PIEZO2: variants seen among roughly 807,000 people sequenced by gnomAD.
PIEZO2 encodes piezo type mechanosensitive ion channel component 2, also known as piezo-type mechanosensitive ion channel component 2.
Under a neutral mutation model 337.3 loss-of-function variants are expected in PIEZO2, and 172 were observed. The observed-to-expected ratio is 0.51, with a 90% confidence interval of 0.45 to 0.58. PIEZO2 has a LOEUF of 0.58. Among genes scored for constraint, PIEZO2 ranks in the 20% least tolerant of loss-of-function variants. The pLI is 0.00. For synonymous variants in PIEZO2, 1,251 were observed against 1,228.5 expected (o/e 1.02, Z -0.38); for missense variants, 3,028 against 3,391.3 (o/e 0.89, Z 2.66).
At chr18:10,687,915 T>A (rs2034622838) in intron 49 of PIEZO2, among the ~76,000 whole-genome samples, 1 of 152,222 alleles carries the variant, frequency 6.6e-6, no homozygotes. Flanking sequence ...GACTATCCAG[T>A]GGAGCCCAGC....
At chr18:10,810,163 G>A (rs1370913388) in intron 7 of PIEZO2, among the ~76,000 whole-genome samples, 1 of 152,102 alleles carries the variant, frequency 6.6e-6, no homozygotes, top group African/African-American at 2.4e-5. Flanking sequence ...TGGGTGGGGT[G>A]AGGACGCAAG....
rs2034705496 is a variant in PIEZO2, at chr18:10,982,463, A to G, written c.161-2803T>C. ...GTGACTCAATATGATAAAAATGTCAATTTCCCCAAAATTTAGTCTAAAAAT... is the reference window on the plus strand; with the variant it reads ...GTGACTCAATATGATAAAAATGTCAGTTTCCCCAAAATTTAGTCTAAAAAT... On this transcript the variant is annotated intron_variant, in intron 2 of 55. Coordinates refer to ENST00000674853, the MANE Select transcript of PIEZO2 (RefSeq NM_001378183.1). The surrounding 1 kb of genome is among the most constrained non-coding windows in gnomAD (Gnocchi z 4.1). Among the ~76,000 whole-genome samples, 2 of 152,332 alleles carry G rather than the reference A, an allele frequency of 1.3e-5. No homozygotes were observed. The highest frequency in any genetic ancestry group is 4.1e-4 in the South Asian group (2 of 4,830).
rs1487857389 is a variant in PIEZO2 at position 10,795,256 on chromosome 18, G to T, written c.1528-254C>A. Among the ~76,000 whole-genome samples the T allele has an allele frequency of 6.6e-6, 1 of 151,900 alleles. No individual in the cohort carries two copies. The highest frequency in any genetic ancestry group is 2.4e-5 in the African/African-American group (1 of 41,348). ...CGGACAAGGGCACATTTTTAATGAAGGATTGTGTTGTTTTTACAATAGACT... is the reference window on the plus strand; with the variant it reads ...CGGACAAGGGCACATTTTTAATGAATGATTGTGTTGTTTTTACAATAGACT... On this transcript the variant is annotated intron_variant, in intron 12 of 55. Transcript: ENST00000674853. This position sits in a 1 kb window ranked among gnomAD's most constrained non-coding sequence, Gnocchi z 4.4.
chr18:10,681,825 A>T (rs1210809567), intron 50 of PIEZO2, 72 bp from the exon 51 acceptor site: 3 of 1,292,206 alleles, frequency 2.3e-6, no homozygotes, highest in African/African-American at 1.5e-5. Flanking sequence ...AAAGAAAAAC[A>T]TTTATGTAGG....
chr18:10,730,807 A>G (rs2036735176), intron 36 of PIEZO2, among the ~76,000 whole-genome samples: 1 of 152,066 alleles, frequency 6.6e-6, no homozygotes, highest in African/African-American at 2.4e-5. Context: ...GCTCACTGCA[A>G]GCTCCGCCTC....
At chr18:11,095,381 G>C (rs531446893) in intron 1 of PIEZO2, among the ~76,000 whole-genome samples, 1 of 152,094 alleles carries the variant, frequency 6.6e-6, no homozygotes, top group African/African-American at 2.4e-5. Flanking sequence ...TTGGAATCAC[G>C]GTGTGCGTAA....
Position 10,789,373 on chromosome 18 carries a change from T to C in PIEZO2, c.1883-8A>G. 2 of 1,532,126 alleles carry C rather than the reference T, an allele frequency of 1.3e-6. No homozygotes were observed. Among genetic ancestry groups the C allele is most frequent in the Admixed American group, 2.0e-5 (1 of 50,538 alleles). 94.9% of individuals were successfully genotyped at this position (1,532,126 alleles called of 1,614,324 possible). Reference sequence around the variant, plus strand: ...TATCTTGAAGTTCCTCATCTTCAAATAGAAAACTGTGCTGTTATACTTAGC... The same window carrying C: ...TATCTTGAAGTTCCTCATCTTCAAACAGAAAACTGTGCTGTTATACTTAGC... On this transcript the variant is annotated splice_region_variant and splice_polypyrimidine_tract_variant and intron_variant, in intron 14 of 55. Transcript: ENST00000674853.
intron 2 of PIEZO2, among the ~76,000 whole-genome samples, chr18:11,025,099 A>T (rs533749524): frequency 6.6e-6 from 1 of 152,260 alleles, no homozygotes; most frequent in South Asian, 2.1e-4. Flanking sequence ...TTAGGAATGT[A>T]GGCTCTCAAG....
rs1455320412 is a variant in PIEZO2, at chr18:11,078,509, A to G, written c.65-12287T>C. The stretch of plus-strand genomic sequence containing the variant: ...TAAAATTACTGTTTTATCTTGATGA[A>G]TTTACTTTGACATTGTCTGCTTCTT... On this transcript the variant is annotated intron_variant, in intron 1 of 55. Transcript: ENST00000674853. The surrounding 1 kb of genome is among the most constrained non-coding windows in gnomAD (Gnocchi z 5.3). Among the ~76,000 whole-genome samples the G allele has an allele frequency of 1.3e-5, 2 of 152,208 alleles. No homozygotes were observed. The highest frequency in any genetic ancestry group is 1.3e-4 in the Admixed American group (2 of 15,270).
At chr18:10,679,516 A>C (rs1277413090) in intron 52 of PIEZO2, among the ~76,000 whole-genome samples, 2 of 125,574 alleles carry the variant, frequency 1.6e-5, no homozygotes, top group East Asian at 4.6e-4. Context: ...GCATTGAAAC[A>C]ATTTTAGATT....
intron 3 of PIEZO2, among the ~76,000 whole-genome samples, chr18:10,946,621 G>A (rs376782696): frequency 2.6e-5 from 4 of 152,314 alleles, no homozygotes; most frequent in Admixed American, 1.3e-4. Context: ...TCACCCATCT[G>A]CAATGAGGCA....
Position 10,672,674 on chromosome 18 carries a change from T to C in PIEZO2, c.8345+16A>G, listed in dbSNP as rs1053102365. 6.2e-7 allele frequency: 1 copy of C among 1,606,584 alleles called. No homozygotes were observed. The highest frequency in any genetic ancestry group is 1.7e-5 in the Admixed American group (1 of 57,482). On this transcript the variant is annotated intron_variant, in intron 55 of 55. Transcript: ENST00000674853. The surrounding 1 kb of genome is among the most constrained non-coding windows in gnomAD (Gnocchi z 4.7). ...AGTAGACTCTTGTAACTGTGAATTG[T>C]TCAATGAGTCCTTACCCATAGCCAG...
rs1442119413 is a variant in PIEZO2 at position 10,824,964 on chromosome 18, A to G, written c.918-17690T>C. Among the ~76,000 whole-genome samples, 1 of 152,102 alleles carries G rather than the reference A, an allele frequency of 6.6e-6. No homozygotes were observed. Among genetic ancestry groups the G allele is most frequent in the Non-Finnish European group, 1.5e-5 (1 of 68,020 alleles). ...CTGCAACCTCCACTTCCTGGGTCCA[A>G]GTGATTCTCCTGCCTCAGCCTCCCG... On this transcript the variant is annotated intron_variant, in intron 7 of 55. Coordinates refer to ENST00000674853, the MANE Select transcript of PIEZO2 (RefSeq NM_001378183.1). The surrounding 1 kb of genome is among the most constrained non-coding windows in gnomAD (Gnocchi z 4.4).
At chr18:10,731,643 C>A in intron 35 of PIEZO2, 122 bp from the exon 36 acceptor site, 1 of 511,044 alleles carries the variant, frequency 2.0e-6, no homozygotes, top group South Asian at 4.7e-5. Flanking sequence ...ACATCCCGGG[C>A]TATTTTTATT....
At chr18:11,026,080 G>A (rs548992798) in intron 2 of PIEZO2, among the ~76,000 whole-genome samples, 63 of 152,284 alleles carry the variant, frequency 4.1e-4, no homozygotes, top group Non-Finnish European at 7.1e-4. Context: ...TCAGGAGCAC[G>A]CATTGCTTTG....
intron 15 of PIEZO2, among the ~76,000 whole-genome samples, chr18:10,788,664 ACCT>A (rs1157846152): frequency 1.3e-5 from 2 of 152,120 alleles, no homozygotes; most frequent in Non-Finnish European, 2.9e-5. Context: ...TGCAGCCTTG[ACCT>A]CCTGGGATCA....
At chr18:10,984,041 C>T (rs569152833) in intron 2 of PIEZO2, among the ~76,000 whole-genome samples, 47 of 152,192 alleles carry the variant, frequency 3.1e-4, no homozygotes, top group African/African-American at 9.4e-4. Flanking sequence ...ATCTCTAACC[C>T]GGTTCACTGG....
intron 36 of PIEZO2, chr18:10,725,530 G>A: frequency 1.4e-6 from 2 of 1,399,522 alleles, no homozygotes; most frequent in East Asian, 4.6e-5. Flanking sequence ...TCGTGGGAAG[G>A]AGGGGCCCCA....
rs373082062 is a variant in PIEZO2, at chr18:11,097,240, T to C, written c.65-31018A>G. On this transcript the variant is annotated intron_variant, in intron 1 of 55. Coordinates refer to ENST00000674853, the MANE Select transcript of PIEZO2 (RefSeq NM_001378183.1). The surrounding 1 kb of genome is among the most constrained non-coding windows in gnomAD (Gnocchi z 5.0). ...AAAAAGTCAAAAGAAGACTAGATCATGAAACATGAAAATTATATGAAAGTC... is the reference window on the plus strand; with the variant it reads ...AAAAAGTCAAAAGAAGACTAGATCACGAAACATGAAAATTATATGAAAGTC... Among the ~76,000 whole-genome samples the C allele has an allele frequency of 1.2e-4, 18 of 152,368 alleles. No homozygotes were observed. The highest frequency in any genetic ancestry group is 4.1e-4 in the African/African-American group (17 of 41,584).
Sources: allele counts gnomAD v4.1 joint callset (sites outside exome capture counted in the v4.1 genomes callset), GRCh38; gene constraint gnomAD v4.1.1; non-coding constraint Gnocchi (gnomAD v3.1); transcripts MANE v1.5; gene names NCBI Gene and HGNC (gene_info 2026-07-23, HGNC 2026-07-21).